The following DMD variants were observed in gnomAD, a reference collection of about 807,000 sequenced individuals.
The protein encoded by DMD is mutant dystrophin.
In DMD, 63 loss-of-function variants were observed where a neutral mutation model predicts 330.1. That is an observed-to-expected ratio of 0.19 (90% confidence interval 0.16 to 0.24). The LOEUF (loss-of-function observed/expected upper bound fraction) is 0.24, where lower values mean the gene tolerates loss of function less well. DMD is among the 10% of genes least tolerant of loss of function. The pLI is 1.00. For synonymous variants in DMD, 1,223 were observed against 959.8 expected (o/e 1.27, Z -5.07); for missense variants, 3,344 against 2,684.1 (o/e 1.25, Z -5.43).
chrX:32,607,828 C>T (rs968785042), intron 12 of DMD, among the ~76,000 whole-genome samples: 7 of 109,915 alleles, frequency 6.4e-5, no homozygotes, highest in African/African-American at 1.6e-4. Flanking sequence ...ATTACCTATA[C>T]GAAAGAACTG....
At chrX:32,441,365 T>C in intron 27 of DMD, 51 bp from the exon 28 acceptor site, 1 of 1,137,838 alleles carries the variant, frequency 8.8e-7, no homozygotes. Flanking sequence ...GAAAAGTAAA[T>C]GTGAAATTTT....
At chrX:31,460,580 A>T (rs1396674282) in intron 59 of DMD, among the ~76,000 whole-genome samples, 3 of 111,774 alleles carry the variant, frequency 2.7e-5, no homozygotes, top group African/African-American at 9.8e-5. Flanking sequence ...AAGTTATGTG[A>T]CTAAATATAT....
At chrX:32,443,545 C>T (rs1281003960) in intron 27 of DMD, among the ~76,000 whole-genome samples, 1 of 110,407 alleles carries the variant, frequency 9.1e-6, no homozygotes, top group Non-Finnish European at 1.9e-5. Flanking sequence ...GACAAGGAGA[C>T]GTGATTGGTA....
intron 1 of DMD, among the ~76,000 whole-genome samples, chrX:33,076,041 C>T (rs1459598687): frequency 1.8e-5 from 2 of 111,661 alleles, no homozygotes; most frequent in African/African-American, 6.5e-5. Context: ...AGCCTAAGAT[C>T]AGTGCTTGAG....
At chrX:32,740,130 C>T (rs776571201) in intron 7 of DMD, among the ~76,000 whole-genome samples, 2 of 108,770 alleles carry the variant, frequency 1.8e-5, no homozygotes, top group Non-Finnish European at 3.8e-5. Context: ...TTATCGTGTG[C>T]TTTCACATGT....
chrX:31,295,253 A>C (rs1276703203), intron 62 of DMD, among the ~76,000 whole-genome samples: 3 of 110,642 alleles, frequency 2.7e-5, no homozygotes, highest in East Asian at 2.8e-4. Context: ...CCTCGGCCTC[A>C]CAAAGTGCTG....
chrX:31,499,489 C>CT lies in DMD; in HGVS notation c.8391-2546dup, dbSNP rs774151183. ...TAACTGAGACCTAGGGAATTCAGTT[C>CT]TTTTTTTTTTTTTTTTTTGGTGAGA... On this transcript the variant is annotated intron_variant, in intron 56 of 78. Coordinates refer to ENST00000357033, the MANE Select transcript of DMD (RefSeq NM_004006.3). Among the ~76,000 whole-genome samples, 294 of 83,632 alleles carry CT rather than the reference C, an allele frequency of 3.5e-3. 3 individuals carry two copies. The highest frequency in any genetic ancestry group is 7.4e-3 in the African/African-American group (163 of 21,893). 72.6% of individuals were successfully genotyped at this position (83,632 alleles called of 115,157 possible).
intron 13 of DMD, among the ~76,000 whole-genome samples, chrX:32,594,805 T>C (rs1601981119): frequency 8.9e-6 from 1 of 111,907 alleles, no homozygotes; most frequent in African/African-American, 3.2e-5. Context: ...AACCTAAGAA[T>C]CATCTCTGTT....
chrX:32,388,428 T>C (rs923964972), intron 32 of DMD, among the ~76,000 whole-genome samples: 5 of 104,426 alleles, frequency 4.8e-5, no homozygotes, highest in African/African-American at 1.8e-4. Flanking sequence ...AACTACTTTC[T>C]ATCATTTCTA....
At chrX:31,216,751 T>C (rs1000916415) in intron 64 of DMD, among the ~76,000 whole-genome samples, 1 of 111,313 alleles carries the variant, frequency 9.0e-6, no homozygotes, top group Non-Finnish European at 1.9e-5. Context: ...CTATCTAATG[T>C]CACCCTTAGC....
rs58834814 is a variant in DMD at position 32,599,147 on chromosome X, C to T, written c.1483-3271G>A. 5.1e-3 allele frequency among the ~76,000 whole-genome samples: 575 copies of T among 112,094 alleles called. 3 individuals carry two copies. Among genetic ancestry groups the T allele is most frequent in the African/African-American group, 0.018 (546 of 30,935 alleles). On this transcript the variant is annotated intron_variant, in intron 12 of 78. Transcript: ENST00000357033. Reference sequence around the variant, plus strand: ...AAAAGCTATGGTAAAACAGTAAGCACGTCTCCTATTTTCTCAGACTTCAAA... The same window carrying T: ...AAAAGCTATGGTAAAACAGTAAGCATGTCTCCTATTTTCTCAGACTTCAAA...
chrX:32,191,622 G>A (rs5927063), intron 44 of DMD, among the ~76,000 whole-genome samples: 16,645 of 110,545 alleles, frequency 0.15, 1,203 homozygotes, highest in Non-Finnish European at 0.22. Flanking sequence ...CAGTATCCAT[G>A]GGGGATTGGT....
chrX:33,113,637 C>T (rs1255901031), intron 1 of DMD, among the ~76,000 whole-genome samples: 2 of 108,077 alleles, frequency 1.9e-5, no homozygotes, highest in Non-Finnish European at 3.8e-5. Flanking sequence ...AACACAGAGC[C>T]ATTATAATGT....
At chrX:32,748,778 C>T (rs1199098510) in intron 7 of DMD, among the ~76,000 whole-genome samples, 1 of 112,226 alleles carries the variant, frequency 8.9e-6, no homozygotes, top group Non-Finnish European at 1.9e-5. Context: ...TACATGTGAA[C>T]AAATTTTACA....
chrX:31,713,481 C>T (rs73459811), intron 52 of DMD, among the ~76,000 whole-genome samples: 1,731 of 111,698 alleles, frequency 0.015, 43 homozygotes, highest in African/African-American at 0.053. Context: ...TTGTCTTTCC[C>T]TAGATTATCA....
chrX:33,023,571 T>G (rs111583010), intron 1 of DMD, among the ~76,000 whole-genome samples: 1 of 111,825 alleles, frequency 8.9e-6, no homozygotes, highest in Non-Finnish European at 1.9e-5. Flanking sequence ...CATAATTAAT[T>G]TGATTACTAA....
chrX:33,108,802 G>C (rs1414042992), intron 1 of DMD, among the ~76,000 whole-genome samples: 2 of 93,747 alleles, frequency 2.1e-5, no homozygotes, highest in African/African-American at 7.5e-5. Flanking sequence ...GGAGGTGGAG[G>C]TTGCAGTGAG....
intron 2 of DMD, among the ~76,000 whole-genome samples, chrX:32,991,004 C>T (rs190126756): frequency 1.8e-5 from 2 of 111,285 alleles, no homozygotes; most frequent in Admixed American, 1.9e-4. Context: ...TGGGACCATT[C>T]TGGAGACTGC....
intron 2 of DMD, among the ~76,000 whole-genome samples, chrX:32,956,831 A>G: frequency 9.0e-6 from 1 of 111,223 alleles, no homozygotes; most frequent in East Asian, 2.8e-4. Flanking sequence ...GCCCCTGCCC[A>G]CACCCCAGTG....
Sources: gnomAD v4.1 joint callset for allele counts (sites outside exome capture counted in the v4.1 genomes callset) on GRCh38, gnomAD v4.1.1 for gene constraint, MANE v1.5 for transcripts, NCBI Gene and HGNC (gene_info 2026-07-23, HGNC 2026-07-21) for gene names.